Variants in BMPR2 observed in about 807,000 individuals in gnomAD.
The protein encoded by BMPR2 is bone morphogenetic protein receptor type 2, also known as bone morphogenetic protein receptor type-2.
BMPR2 carries 29 observed loss-of-function variants against 100.8 expected under a neutral mutation model. The observed-to-expected ratio is 0.29, with a 90% confidence interval of 0.21 to 0.39. The LOEUF is 0.39. Ranked by LOEUF, BMPR2 falls within the 10% of genes least tolerant of loss-of-function variation. The probability of loss-of-function intolerance (pLI) is 1.00; values close to 1 mark genes in which losing one functional copy is unlikely to be tolerated. For missense variants in BMPR2, 1,011 were observed against 1,274.5 expected, an observed-to-expected ratio of 0.79 and a Z score of 3.15; for synonymous variants, 382 against 442.3, an observed-to-expected ratio of 0.86 and a Z score of 1.71.
intron 11 of BMPR2, among the ~76,000 whole-genome samples, chr2:202,553,786 T>TAGAAC (rs1422970385): frequency 6.6e-6 from 1 of 152,140 alleles, no homozygotes; most frequent in Non-Finnish European, 1.5e-5. Context: ...CCTCCCAGGT[T>TAGAAC]TAAGCGATTC....
chr2:202,558,144 C>A (rs1318778497), intron 12 of BMPR2, among the ~76,000 whole-genome samples: 1 of 152,068 alleles, frequency 6.6e-6, no homozygotes, highest in African/African-American at 2.4e-5. Flanking sequence ...CATAGCAAAA[C>A]TCCATCTCTA....
intron 10 of BMPR2, among the ~76,000 whole-genome samples, chr2:202,548,926 G>T (rs1002491641): frequency 4.6e-5 from 7 of 151,990 alleles, no homozygotes; most frequent in African/African-American, 1.7e-4. Flanking sequence ...GTACATTTAG[G>T]TGTGTTTTGA....
At chr2:202,484,372 C>G (rs183168586) in intron 3 of BMPR2, among the ~76,000 whole-genome samples, 1 of 139,206 alleles carries the variant, frequency 7.2e-6, no homozygotes, top group Admixed American at 7.2e-5. Context: ...TCCTTCTTTC[C>G]TTCCTTCCGA....
chr2:202,424,034 C>T (rs1274953241), intron 1 of BMPR2, among the ~76,000 whole-genome samples: 3 of 142,702 alleles, frequency 2.1e-5, no homozygotes, highest in African/African-American at 7.7e-5. Context: ...GATCATGTCA[C>T]TGCCCTCCAG....
At chr2:202,452,771 T>A (rs1692014377) in intron 1 of BMPR2, among the ~76,000 whole-genome samples, 1 of 152,242 alleles carries the variant, frequency 6.6e-6, no homozygotes, top group African/African-American at 2.4e-5. Flanking sequence ...GCCCCTGCTC[T>A]TATTTTAGCT....
chr2:202,412,611 G>A (rs1384267476), intron 1 of BMPR2, among the ~76,000 whole-genome samples: 1 of 152,132 alleles, frequency 6.6e-6, no homozygotes, highest in East Asian at 1.9e-4. Flanking sequence ...GAGCCACCGT[G>A]CCCGGCCGTT....
rs1553500439 is a variant in BMPR2 at position 202,434,908 on chromosome 2, AATATATATATAT to A, written c.77-29884_77-29873del. Among the ~76,000 whole-genome samples the A allele has an allele frequency of 1.6e-4, 6 of 38,424 alleles. 1 individual carries two copies. Among genetic ancestry groups the A allele is most frequent in the African/African-American group, 4.6e-4 (4 of 8,754 alleles). 25.2% of individuals were successfully genotyped at this position (38,424 alleles called of 152,430 possible). ...AAAAAAAAAAAAAAAAAAAAAAAAA[AATATATATATAT>A]ATATATATATATATATTTATTTATT... is the stretch of plus-strand genomic sequence containing the variant. On this transcript the variant is annotated intron_variant, in intron 1 of 12. Coordinates refer to ENST00000374580, the MANE Select transcript of BMPR2 (RefSeq NM_001204.7).
intron 1 of BMPR2, among the ~76,000 whole-genome samples, chr2:202,423,355 TG>T (rs1691309424): frequency 6.6e-6 from 1 of 152,188 alleles, no homozygotes; most frequent in African/African-American, 2.4e-5. Context: ...AGTGACCATG[TG>T]AGAAGGAGAT....
At chr2:202,452,615 T>A (rs1417818672) in intron 1 of BMPR2, among the ~76,000 whole-genome samples, 1 of 152,216 alleles carries the variant, frequency 6.6e-6, no homozygotes, top group Non-Finnish European at 1.5e-5. Context: ...AGACCCTGTC[T>A]CTTAAAATAA....
chr2:202,479,849 A>G (rs1692625999), intron 3 of BMPR2, among the ~76,000 whole-genome samples: 1 of 152,126 alleles, frequency 6.6e-6, no homozygotes, highest in Non-Finnish European at 1.5e-5. Context: ...TCATTTCCGT[A>G]ATGAATAATG....
intron 3 of BMPR2, among the ~76,000 whole-genome samples, chr2:202,487,556 C>T (rs541973457): frequency 2.6e-5 from 4 of 152,236 alleles, no homozygotes; most frequent in South Asian, 2.1e-4. Flanking sequence ...TCAATGCAAA[C>T]GCCAGAACAC....
chr2:202,429,310 C>T (rs1691455601), intron 1 of BMPR2, among the ~76,000 whole-genome samples: 1 of 149,958 alleles, frequency 6.7e-6, no homozygotes, highest in African/African-American at 2.5e-5. Flanking sequence ...CATGGCACAT[C>T]CATCATCTGG....
intron 1 of BMPR2, among the ~76,000 whole-genome samples, chr2:202,407,030 C>T (rs983578271): frequency 6.6e-5 from 10 of 150,790 alleles, no homozygotes; most frequent in African/African-American, 2.4e-4. Flanking sequence ...TCACTGCAAC[C>T]TCTGCTTCCT....
chr2:202,545,170 T>G (rs888560242), intron 10 of BMPR2, among the ~76,000 whole-genome samples: 1 of 34,004 alleles, frequency 2.9e-5, no homozygotes, highest in Non-Finnish European at 7.9e-5. Flanking sequence ...TTCTTATATT[T>G]TCCATTTTTT....
Position 202,392,513 on chromosome 2 carries a change from T to C in BMPR2, c.76+14963T>C, listed in dbSNP as rs532981590. Among the ~76,000 whole-genome samples, 3 of 152,346 alleles carry C rather than the reference T, an allele frequency of 2.0e-5. No homozygotes were observed. In the South Asian group the frequency reaches 6.2e-4, roughly 32 times the overall value. On this transcript the variant is annotated intron_variant, in intron 1 of 12. Coordinates refer to ENST00000374580, the MANE Select transcript of BMPR2 (RefSeq NM_001204.7). ...CAGGTTATTTGATACGTGTAAAATA[T>C]ACTTCTGCGGACATGTCACAGTATA...
intron 1 of BMPR2, among the ~76,000 whole-genome samples, chr2:202,416,031 A>T (rs1172995698): frequency 6.6e-6 from 1 of 152,242 alleles, no homozygotes; most frequent in Non-Finnish European, 1.5e-5. Flanking sequence ...ACCATTCAAG[A>T]TGCCTTTAAG....
rs773416598 is a variant in BMPR2, at chr2:202,555,271, C to T, written c.1606C>T (p.Arg536Cys). The change falls in exon 12 of 13, where the codon CGT (arginine) becomes TGT (cysteine). Residue 536 changes from arginine (R) to cysteine (C), a missense_variant. This residue lies in a region of BMPR2 where 508 missense variants were observed against 552.0 expected (regional missense o/e 0.92). Coordinates refer to ENST00000374580, the MANE Select transcript of BMPR2 (RefSeq NM_001204.7). ...TTTAAGCAACCTGTCACATAATAGG[C>T]GTGTGCCAAAAATTGGTCCTTATCC... Reference protein sequence around the residue: ...QNERNLSHNRRVPKIGPYPDY... With the variant: ...QNERNLSHNRCVPKIGPYPDY... 14 of 1,613,878 alleles carry T rather than the reference C, an allele frequency of 8.7e-6. No individual in the cohort carries two copies. Among genetic ancestry groups the T allele is most frequent in the East Asian group, 4.5e-5 (2 of 44,900 alleles).
At chr2:202,515,573 A>C (rs1159693024) in intron 5 of BMPR2, among the ~76,000 whole-genome samples, 1 of 146,054 alleles carries the variant, frequency 6.8e-6, no homozygotes, top group Non-Finnish European at 1.5e-5. Flanking sequence ...CTCTGCCACA[A>C]AAAAAAAAAA....
chr2:202,555,163 C>G (rs1465133162), intron 11 of BMPR2, 89 bp from the exon 12 acceptor site: 2 of 1,224,244 alleles, frequency 1.6e-6, no homozygotes, highest in African/African-American at 1.5e-5. Context: ...AAAAACAACT[C>G]AGACTTTAAA....
Sources: allele counts gnomAD v4.1 joint callset (sites outside exome capture counted in the v4.1 genomes callset), GRCh38; gene constraint gnomAD v4.1.1; regional missense constraint gnomAD v4.1.1; transcripts MANE v1.5; gene names NCBI Gene and HGNC (gene_info 2026-07-23, HGNC 2026-07-21).